The following GALNT14 variants were observed in gnomAD, a reference collection of about 807,000 sequenced individuals.
GALNT14 encodes UDP-GalNAc:polypeptide N-acetylgalactosaminyltransferase 14.
In GALNT14, 60 loss-of-function variants were observed where a neutral mutation model predicts 77.5. The ratio of observed to expected loss-of-function variants is 0.77; its 90% CI spans 0.63 to 0.96. The LOEUF (loss-of-function observed/expected upper bound fraction) is 0.96. Among genes scored for constraint, GALNT14 ranks in the 40% least tolerant of loss-of-function variants. The probability of loss-of-function intolerance (pLI) is 0.00; values close to 1 mark genes in which losing one functional copy is unlikely to be tolerated. For synonymous variants in GALNT14, 280 were observed against 281.7 expected (o/e 0.99, Z 0.06); for missense variants, 710 against 731.0 (o/e 0.97, Z 0.33).
intron 9 of GALNT14, among the ~76,000 whole-genome samples, chr2:30,937,395 A>T (rs1049388506): frequency 1.3e-5 from 2 of 152,236 alleles, no homozygotes; most frequent in African/African-American, 2.4e-5. Context: ...TTAGGGTCTC[A>T]GACTGAAATC....
chr2:31,105,630 G>C (rs1274562523), intron 1 of GALNT14, among the ~76,000 whole-genome samples: 1 of 151,920 alleles, frequency 6.6e-6, no homozygotes, highest in Non-Finnish European at 1.5e-5. Context: ...GGAGGCTGAG[G>C]CAAAAGAATC....
intron 1 of GALNT14, among the ~76,000 whole-genome samples, chr2:31,063,785 G>T (rs944950865): frequency 2.0e-5 from 3 of 152,166 alleles, no homozygotes; most frequent in African/African-American, 4.8e-5. Flanking sequence ...TCCCTTGTAA[G>T]TTGTATTCCG....
At chr2:31,054,604 C>T (rs1012732023) in intron 1 of GALNT14, among the ~76,000 whole-genome samples, 1 of 152,198 alleles carries the variant, frequency 6.6e-6, no homozygotes, top group Non-Finnish European at 1.5e-5. Context: ...AGAACACTAA[C>T]CCTGTAGTTC....
chr2:31,047,158 A>AC (rs992331964), intron 1 of GALNT14, among the ~76,000 whole-genome samples: 17 of 152,142 alleles, frequency 1.1e-4, no homozygotes, highest in African/African-American at 4.1e-4. Context: ...GAGAACATAG[A>AC]CCAGGGCTTG....
At chr2:30,991,520 T>G (rs1474868820) in intron 2 of GALNT14, 5 of 152,236 alleles carry the variant, frequency 3.3e-5, no homozygotes, top group African/African-American at 1.2e-4. Context: ...TAAGCAGGTA[T>G]AGCCCACGCT....
At chr2:31,110,927 C>T (rs77651470) in intron 1 of GALNT14, among the ~76,000 whole-genome samples, 2,077 of 152,258 alleles carry the variant, frequency 0.014, 40 homozygotes, top group African/African-American at 0.047. Flanking sequence ...GGAACTTGAA[C>T]TCTAACTCCA....
chr2:31,093,269 T>G (rs1443619943), intron 1 of GALNT14, among the ~76,000 whole-genome samples: 1 of 152,216 alleles, frequency 6.6e-6, no homozygotes, highest in Non-Finnish European at 1.5e-5. Context: ...CCCAACAGCC[T>G]TGCAGTCCCT....
chr2:30,932,049 T>C lies in GALNT14; in HGVS notation c.1058+19A>G. The C allele has an allele frequency of 6.7e-7, 1 of 1,496,024 alleles. No homozygotes were observed. Among genetic ancestry groups the C allele is most frequent in the Non-Finnish European group, 8.9e-7 (1 of 1,117,844 alleles). 92.7% of individuals were successfully genotyped at this position (1,496,024 alleles called of 1,614,324 possible). On this transcript the variant is annotated intron_variant, in intron 10 of 14. Coordinates refer to ENST00000349752, the MANE Select transcript of GALNT14 (RefSeq NM_024572.4). Reference sequence around the variant, plus strand: ...TGCCTGTGCTGCTGCCCACCCGCGCTGAGCCCCTGGGCACTTACTTTATAT... The same window carrying C: ...TGCCTGTGCTGCTGCCCACCCGCGCCGAGCCCCTGGGCACTTACTTTATAT...
chr2:30,998,014 G>A (rs989375951), intron 1 of GALNT14, among the ~76,000 whole-genome samples: 1 of 151,968 alleles, frequency 6.6e-6, no homozygotes, highest in Non-Finnish European at 1.5e-5. Flanking sequence ...ACATATAAAC[G>A]AGATCATTAT....
chr2:31,010,977 C>G (rs1301761857), intron 1 of GALNT14, among the ~76,000 whole-genome samples: 1 of 152,212 alleles, frequency 6.6e-6, no homozygotes, highest in Non-Finnish European at 1.5e-5. Context: ...CCAGCAAGGG[C>G]TGGTGCCATC....
chr2:30,924,972 T>C, intron 11 of GALNT14, 149 bp from the exon 12 acceptor site: 1 of 585,976 alleles, frequency 1.7e-6, no homozygotes, highest in Non-Finnish European at 3.1e-6. Context: ...CTGGGGAAAT[T>C]AAGCAAGAAC....
chr2:31,112,347 A>G (rs776686878), intron 1 of GALNT14, among the ~76,000 whole-genome samples: 6 of 152,194 alleles, frequency 3.9e-5, no homozygotes, highest in Non-Finnish European at 7.3e-5. Flanking sequence ...CATAGCATTT[A>G]CTGACCTCGT....
At chr2:30,906,352 G>C (rs1476896760), downstream of GALNT14, among the ~76,000 whole-genome samples, 1 of 149,292 alleles carries the variant, frequency 6.7e-6, no homozygotes, top group East Asian at 1.9e-4. Flanking sequence ...AAAATAAAAG[G>C]ATGGAGGAAG....
rs112549929 is a variant in GALNT14, at chr2:31,102,410, G to A, written c.129+35548C>T. Among the ~76,000 whole-genome samples, 627 of 152,110 alleles carry A rather than the reference G, an allele frequency of 4.1e-3. 7 individuals are homozygous for A. The highest frequency in any genetic ancestry group is 0.015 in the African/African-American group (607 of 41,516). On this transcript the variant is annotated intron_variant, in intron 1 of 14. Coordinates refer to ENST00000349752, the MANE Select transcript of GALNT14 (RefSeq NM_024572.4). ...GTTTTTCTTTTCCTCTTTCAGCCAT[G>A]CATTGAGTATTTTTTGTTTTGTTTG...
chr2:30,904,818 A>T, the GALNT14 span, among the ~76,000 whole-genome samples: 5 of 152,212 alleles, frequency 3.3e-5, no homozygotes, highest in African/African-American at 1.2e-4. Context: ...CCTGTCTGAC[A>T]GCTTTGAAGA....
At chr2:31,088,186 G>A (rs1393271646) in intron 1 of GALNT14, among the ~76,000 whole-genome samples, 1 of 152,224 alleles carries the variant, frequency 6.6e-6, no homozygotes, top group Non-Finnish European at 1.5e-5. Context: ...CCACTGGAGT[G>A]GGATGAAGAG....
chr2:31,041,841 G>A (rs990627179), intron 1 of GALNT14, among the ~76,000 whole-genome samples: 4 of 152,300 alleles, frequency 2.6e-5, no homozygotes, highest in Admixed American at 1.3e-4. Flanking sequence ...ATCTCAGAGC[G>A]AATACTGGAG....
chr2:30,924,191 C>T lies in GALNT14; in HGVS notation c.1308G>A (p.Gln436=), dbSNP rs755890800. 3.7e-6 allele frequency: 6 copies of T among 1,614,208 alleles called. No homozygotes were observed. The highest frequency in any genetic ancestry group is 1.7e-5 in the Admixed American group (1 of 60,024). ...TTAGGTTTGGGGTTTCTTGGTTGTT[C>T]TGCCTTTGAGATTCCAGGCACTTCT... ...QRQKCLESQR[Q]NNQETPNLKL... is the part of the protein sequence containing the mutation. The change falls in exon 13 of 15, where the codon CAG becomes CAA. Residue 436 remains glutamine, a synonymous_variant. Coordinates refer to ENST00000349752, the MANE Select transcript of GALNT14 (RefSeq NM_024572.4).
intron 13 of GALNT14, among the ~76,000 whole-genome samples, chr2:30,919,931 G>A (rs1014171643): frequency 2.0e-5 from 3 of 152,264 alleles, no homozygotes; most frequent in South Asian, 2.1e-4. Context: ...TCCTCCACCC[G>A]AGACCTTGAC....
Sources: allele counts gnomAD v4.1 joint callset (sites outside exome capture counted in the v4.1 genomes callset), GRCh38; gene constraint gnomAD v4.1.1; transcripts MANE v1.5; gene names NCBI Gene and HGNC (gene_info 2026-07-23, HGNC 2026-07-21).